The following PDZRN4 variants were observed in gnomAD, a reference collection of about 807,000 sequenced individuals.
PDZRN4 encodes the protein PDZ domain containing ring finger 4, also known as PDZ domain-containing RING finger protein 4.
In PDZRN4, 70 loss-of-function variants were observed where a neutral mutation model predicts 99.0. The ratio of observed to expected loss-of-function variants is 0.71; its 90% CI spans 0.58 to 0.86. The LOEUF (loss-of-function observed/expected upper bound fraction) is 0.86. Ranked by LOEUF, PDZRN4 falls within the 40% of genes least tolerant of loss-of-function variation. The pLI is 0.00. For synonymous variants in PDZRN4, 551 were observed against 501.6 expected (o/e 1.10, Z -1.32); for missense variants, 1,474 against 1,331.2 (o/e 1.11, Z -1.67).
chr12:41,369,621 A>G (rs1336442962), intron 3 of PDZRN4, among the ~76,000 whole-genome samples: 1 of 151,916 alleles, frequency 6.6e-6, no homozygotes. Context: ...TTGGATTCTA[A>G]CTTATTTTAA....
At chr12:41,400,552 G>A (rs1005101359) in intron 3 of PDZRN4, among the ~76,000 whole-genome samples, 2 of 151,988 alleles carry the variant, frequency 1.3e-5, no homozygotes, top group African/African-American at 2.4e-5. Flanking sequence ...TACTACATAT[G>A]TTCTGTTTTG....
intron 3 of PDZRN4, among the ~76,000 whole-genome samples, chr12:41,299,002 G>A (rs1209680604): frequency 6.6e-6 from 1 of 151,924 alleles, no homozygotes; most frequent in Non-Finnish European, 1.5e-5. Context: ...CTATTATTCT[G>A]TGGCCCTTTT....
chr12:41,189,046 C>T lies in PDZRN4; in HGVS notation c.591C>T (p.Thr197=), dbSNP rs1950717172. ...LTARRYQEKF[T]QYMAHVRNFV... The stretch of plus-strand genomic sequence containing the variant: ...CGCGCAGGTACCAGGAGAAGTTCAC[C>T]CAATACATGGCTCACGTCCGCAACT... The change falls in exon 1 of 10, where the codon ACC becomes ACT. Residue 197 remains threonine (T), a synonymous_variant. Transcript: ENST00000402685. The T allele has an allele frequency of 3.2e-6, 5 of 1,576,256 alleles. No homozygotes were observed. Among genetic ancestry groups the T allele is most frequent in the Middle Eastern group, 1.7e-4 (1 of 6,048 alleles).
At chr12:41,274,815 G>C (rs181733646) in intron 3 of PDZRN4, among the ~76,000 whole-genome samples, 18 of 152,282 alleles carry the variant, frequency 1.2e-4, no homozygotes, top group African/African-American at 3.8e-4. Context: ...GACAGTTAAA[G>C]ATTAATTCCC....
At chr12:41,287,960 G>T (rs1156654046) in intron 3 of PDZRN4, among the ~76,000 whole-genome samples, 5 of 152,136 alleles carry the variant, frequency 3.3e-5, no homozygotes, top group Admixed American at 3.3e-4. Context: ...TGTGACTTAG[G>T]ATTATCAGTG....
intron 3 of PDZRN4, among the ~76,000 whole-genome samples, chr12:41,246,492 A>C (rs1342161960): frequency 1.3e-5 from 2 of 152,210 alleles, no homozygotes; most frequent in African/African-American, 2.4e-5. Flanking sequence ...GGAAGTTTTC[A>C]TCCAAAACGT....
At chr12:41,246,421 G>A (rs1173980737) in intron 3 of PDZRN4, among the ~76,000 whole-genome samples, 4 of 152,114 alleles carry the variant, frequency 2.6e-5, no homozygotes, top group African/African-American at 7.2e-5. Flanking sequence ...TGTGTGGATA[G>A]GTATGGATGG....
intron 5 of PDZRN4, among the ~76,000 whole-genome samples, chr12:41,552,411 T>C (rs1287754537): frequency 6.6e-6 from 1 of 152,154 alleles, no homozygotes; most frequent in African/African-American, 2.4e-5. Flanking sequence ...CATTGACAGC[T>C]TGATGCAAAC....
chr12:41,521,424 A>G (rs978084360), intron 5 of PDZRN4, among the ~76,000 whole-genome samples: 1 of 152,146 alleles, frequency 6.6e-6, no homozygotes, highest in African/African-American at 2.4e-5. Context: ...TATACATTGT[A>G]TAAGATGAAT....
At chr12:41,283,296 C>T (rs770659273) in intron 3 of PDZRN4, among the ~76,000 whole-genome samples, 3 of 152,114 alleles carry the variant, frequency 2.0e-5, no homozygotes, top group Non-Finnish European at 4.4e-5. Context: ...CATACACCCT[C>T]CCCAGACTAA....
intron 3 of PDZRN4, among the ~76,000 whole-genome samples, chr12:41,495,077 C>G (rs751420093): frequency 2.0e-5 from 3 of 151,942 alleles, no homozygotes; most frequent in African/African-American, 4.8e-5. Context: ...ATATCCTACA[C>G]AAAGGTATAA....
At chr12:41,250,043 A>G (rs1020934160) in intron 3 of PDZRN4, among the ~76,000 whole-genome samples, 2 of 152,218 alleles carry the variant, frequency 1.3e-5, no homozygotes, top group African/African-American at 4.8e-5. Flanking sequence ...AGATTTGTCT[A>G]GATGGTACAG....
intron 3 of PDZRN4, among the ~76,000 whole-genome samples, chr12:41,365,318 AATTG>A (rs1346318903): frequency 6.6e-6 from 1 of 152,064 alleles, no homozygotes; most frequent in Non-Finnish European, 1.5e-5. Context: ...TAAATCAAGT[AATTG>A]ATTGTGCACA....
intron 3 of PDZRN4, among the ~76,000 whole-genome samples, chr12:41,422,516 T>G (rs895302614): frequency 6.6e-6 from 1 of 152,150 alleles, no homozygotes; most frequent in African/African-American, 2.4e-5. Context: ...TCCACATGAC[T>G]GGGGAGGCCT....
intron 3 of PDZRN4, among the ~76,000 whole-genome samples, chr12:41,399,743 A>G (rs1952276519): frequency 6.6e-6 from 1 of 152,116 alleles, no homozygotes; most frequent in Non-Finnish European, 1.5e-5. Context: ...TCTCAAAAAA[A>G]AAAAAAAGTA....
At chr12:41,379,790 T>C (rs1952109840) in intron 3 of PDZRN4, among the ~76,000 whole-genome samples, 1 of 152,014 alleles carries the variant, frequency 6.6e-6, no homozygotes, top group Non-Finnish European at 1.5e-5. Context: ...CTATGGAATA[T>C]TTTATGTGTA....
intron 3 of PDZRN4, among the ~76,000 whole-genome samples, chr12:41,208,439 G>C (rs1486947376): frequency 1.3e-5 from 2 of 151,840 alleles, no homozygotes; most frequent in Non-Finnish European, 2.9e-5. Context: ...GGATTTTTCA[G>C]TAATATTTGC....
chr12:41,476,214 T>C (rs1953041470), intron 3 of PDZRN4, among the ~76,000 whole-genome samples: 1 of 152,224 alleles, frequency 6.6e-6, no homozygotes, highest in Non-Finnish European at 1.5e-5. Context: ...ACCTCCCTGA[T>C]TTGTTTCTCT....
At chr12:41,201,381 T>C (rs1181654642) in intron 3 of PDZRN4, among the ~76,000 whole-genome samples, 1 of 152,088 alleles carries the variant, frequency 6.6e-6, no homozygotes, top group African/African-American at 2.4e-5. Context: ...CCATTGTCAA[T>C]AGATCTTTAT....
Sources: allele counts gnomAD v4.1 joint callset (sites outside exome capture counted in the v4.1 genomes callset), GRCh38; gene constraint gnomAD v4.1.1; transcripts MANE v1.5; gene names NCBI Gene and HGNC (gene_info 2026-07-23, HGNC 2026-07-21).